Variants in ESR1 observed in about 807,000 individuals in gnomAD.
ESR1 encodes estrogen receptor 1.
Under a neutral mutation model 52.7 loss-of-function variants are expected in ESR1, and 12 were observed. The ratio of observed to expected loss-of-function variants is 0.23; its 90% CI spans 0.15 to 0.37. ESR1 has a LOEUF of 0.37. Among genes scored for constraint, ESR1 ranks in the 10% least tolerant of loss-of-function variants. The pLI, the probability that ESR1 is intolerant of heterozygous loss-of-function variation, is 1.00. For missense variants in ESR1, 584 were observed against 779.7 expected, an observed-to-expected ratio of 0.75 and a Z score of 2.99; for synonymous variants, 305 against 316.8, an observed-to-expected ratio of 0.96 and a Z score of 0.39.
intron 3 of ESR1, among the ~76,000 whole-genome samples, chr6:151,908,440 G>A (rs544732996): frequency 5.9e-5 from 9 of 152,208 alleles, no homozygotes; most frequent in Admixed American, 3.9e-4. Context: ...TCATCATGAT[G>A]ATATTGAAAT....
At chr6:151,956,863 A>AATAT (rs148869477) in intron 4 of ESR1, among the ~76,000 whole-genome samples, 4 of 53,904 alleles carry the variant, frequency 7.4e-5, no homozygotes, top group South Asian at 9.6e-4. Flanking sequence ...TATATATATA[A>AATAT]ATATATATAT....
chr6:151,846,162 A>G (rs561035563), intron 2 of ESR1, among the ~76,000 whole-genome samples: 1 of 152,328 alleles, frequency 6.6e-6, no homozygotes, highest in South Asian at 2.1e-4. Flanking sequence ...GAATGAGTCC[A>G]TGAGTGAAGA....
chr6:151,708,130 G>A (rs1780321455), intron 2 of ESR1, among the ~76,000 whole-genome samples: 1 of 151,914 alleles, frequency 6.6e-6, no homozygotes, highest in Non-Finnish European at 1.5e-5. Context: ...TCAGGGCAAT[G>A]GTCCTTCTTT....
chr6:151,944,952 G>A (rs569533749), intron 4 of ESR1, among the ~76,000 whole-genome samples: 7 of 152,172 alleles, frequency 4.6e-5, no homozygotes, highest in Middle Eastern at 3.4e-3. Context: ...GTGGTGGCTC[G>A]TGCCTGTAAT....
intron 4 of ESR1, among the ~76,000 whole-genome samples, chr6:151,950,513 G>A (rs1475872544): frequency 6.6e-6 from 1 of 152,134 alleles, no homozygotes; most frequent in Non-Finnish European, 1.5e-5. Context: ...CCTTTATATA[G>A]GTAATCAACT....
chr6:152,036,915 A>G (rs1476070510), intron 5 of ESR1, among the ~76,000 whole-genome samples: 2 of 152,234 alleles, frequency 1.3e-5, no homozygotes, highest in African/African-American at 4.8e-5. Flanking sequence ...ATTGAGGGCT[A>G]GGTCAGAGTG....
At chr6:151,898,867 C>T (rs886874680) in intron 3 of ESR1, among the ~76,000 whole-genome samples, 1 of 152,196 alleles carries the variant, frequency 6.6e-6, no homozygotes, top group African/African-American at 2.4e-5. Context: ...CTTTCTATTC[C>T]ACAAAACTGC....
At chr6:151,911,290 C>T (rs1049853410) in intron 3 of ESR1, among the ~76,000 whole-genome samples, 50 of 152,190 alleles carry the variant, frequency 3.3e-4, no homozygotes, top group Non-Finnish European at 2.8e-4. Context: ...ATCAAAAAGG[C>T]TATCCGTCGT....
At chr6:151,697,603 A>G (rs564678940) in intron 1 of ESR1, among the ~76,000 whole-genome samples, 1 of 152,314 alleles carries the variant, frequency 6.6e-6, no homozygotes, top group South Asian at 2.1e-4. Flanking sequence ...TATTTCTGTG[A>G]GATTAGGATT....
At chr6:152,019,543 C>G (rs1199406369) in intron 5 of ESR1, among the ~76,000 whole-genome samples, 2 of 152,162 alleles carry the variant, frequency 1.3e-5, no homozygotes, top group African/African-American at 4.8e-5. Context: ...GGCGTGAGCC[C>G]AACCAAAGTA....
In ESR1 at chr6:152,122,774, C is replaced by G. The variant is rs2051751548; in HGVS notation, c.851-2492C>G. 7 of 1,577,388 alleles carry G rather than the reference C, an allele frequency of 4.4e-6. No homozygotes were observed. The East Asian group carries it at 1.6e-4, about 35-fold the overall frequency. ...CTTCCTGGAAGCTAAAGGGCCATGC[C>G]AAGCACACCCCAGCCTGGCGATCAG... On this transcript the variant is annotated intron_variant, in intron 6 of 6. Transcript: ENST00000427531.
chr6:151,682,986 A>G (rs1778516386), intron 1 of ESR1, among the ~76,000 whole-genome samples: 1 of 152,238 alleles, frequency 6.6e-6, no homozygotes, highest in Admixed American at 6.5e-5. Context: ...AAATGATGAC[A>G]GAAAATTAGA....
At chr6:151,930,981 G>A (rs2033513055) in intron 3 of ESR1, among the ~76,000 whole-genome samples, 2 of 151,998 alleles carry the variant, frequency 1.3e-5, no homozygotes, top group Admixed American at 1.3e-4. Flanking sequence ...TTTTTCTACA[G>A]TTTGAATACA....
chr6:151,913,465 T>C (rs1562541424), intron 3 of ESR1, among the ~76,000 whole-genome samples: 2 of 152,244 alleles, frequency 1.3e-5, no homozygotes, highest in South Asian at 2.1e-4. Context: ...GTTTGTCCTG[T>C]TAAATGTCAC....
intron 4 of ESR1, among the ~76,000 whole-genome samples, chr6:151,976,667 A>G (rs899360884): frequency 6.6e-6 from 1 of 152,138 alleles, no homozygotes; most frequent in East Asian, 1.9e-4. Context: ...GACAAACAGA[A>G]CATAGAATTA....
At chr6:152,126,346 G>A (rs2053446821) in exon 7 of ESR1, 1 of 152,148 alleles carries the variant, frequency 6.6e-6, no homozygotes, top group African/African-American at 2.4e-5. Context: ...AATGGTCCCA[G>A]GGAAAGGGTT....
Position 152,077,767 on chromosome 6 carries a change from C to G in ESR1, c.1370-16618C>G, listed in dbSNP as rs149212300. ...TTTAGACTTGTGTGGGCCCTGTAAC[C>G]CCTTTGTTTTGGCCAATTTCTCCCA... On this transcript the variant is annotated intron_variant, in intron 6 of 7. Coordinates refer to ENST00000206249, the MANE Select transcript of ESR1 (RefSeq NM_000125.4). Among the ~76,000 whole-genome samples the G allele has an allele frequency of 5.1e-4, 77 of 152,214 alleles. No individual in the cohort carries two copies. The East Asian group carries it at 0.013, about 25-fold the overall frequency.
intron 1 of ESR1, among the ~76,000 whole-genome samples, chr6:151,671,383 AC>A (rs1457361592): frequency 2.6e-5 from 4 of 152,238 alleles, no homozygotes; most frequent in Non-Finnish European, 5.9e-5. Context: ...ACTTGTGACA[AC>A]GTAGATGAAC....
Position 151,808,376 on chromosome 6 carries a change from C to G in ESR1, c.452+12C>G. Reference sequence around the variant, plus strand: ...CCGGCATTCTACAGGTACCCGCGCCCGCGCCGCCCGTCGGGGTGGCCGCCG... The same window carrying G: ...CCGGCATTCTACAGGTACCCGCGCCGGCGCCGCCCGTCGGGGTGGCCGCCG... On this transcript the variant is annotated intron_variant, in intron 1 of 7. Coordinates refer to ENST00000206249, the MANE Select transcript of ESR1 (RefSeq NM_000125.4). 2.3e-6 allele frequency: 3 copies of G among 1,317,480 alleles called. No individual in the cohort carries two copies. The highest frequency in any genetic ancestry group is 2.0e-6 in the Non-Finnish European group (2 of 1,013,726). 81.6% of individuals were successfully genotyped at this position (1,317,480 alleles called of 1,614,324 possible).
Sources: allele counts gnomAD v4.1 joint callset (sites outside exome capture counted in the v4.1 genomes callset), GRCh38; gene constraint gnomAD v4.1.1; transcripts MANE v1.5; gene names NCBI Gene and HGNC (gene_info 2026-07-23, HGNC 2026-07-21).